The following MGAT5 variants were observed in gnomAD, a reference collection of about 807,000 sequenced individuals.
MGAT5 encodes the protein alpha-1,6-mannosylglycoprotein 6-beta-N-acetylglucosaminyltransferase, also known as alpha-1,6-mannosylglycoprotein 6-beta-N-acetylglucosaminyltransferase A.
A neutral mutation model predicts 94.3 loss-of-function variants in MGAT5; 30 were observed. The observed-to-expected ratio is 0.32, with a 90% CI of 0.24 to 0.43. The LOEUF is 0.43. Ranked by LOEUF, MGAT5 falls within the 20% of genes least tolerant of loss-of-function variation. The pLI, the probability that MGAT5 is intolerant of heterozygous loss-of-function variation, is 1.00. For missense variants in MGAT5, 691 were observed against 905.5 expected, an observed-to-expected ratio of 0.76 and a Z score of 3.04; for synonymous variants, 310 against 322.9, an observed-to-expected ratio of 0.96 and a Z score of 0.43.
In MGAT5 at chr2:134,240,357, G is replaced by GTTTTTTTTTTTTTTTTT. The variant is rs11316083; in HGVS notation, c.-142-13890_-142-13889insTTTTTTTTTTTTTTTTT. Among the ~76,000 whole-genome samples the GTTTTTTTTTTTTTTTTT allele has an allele frequency of 9.1e-4, 133 of 146,746 alleles. 1 individual carries two copies. The East Asian group carries it at 0.021, about 23-fold the overall frequency. On this transcript the variant is annotated intron_variant, in intron 1 of 16. Coordinates refer to the MGAT5 transcript ENST00000409645. ...TGAGCTTTCATTCTAAAATGAAAGT[G>GTTTTTTTTTTTTTTTTT]TTTTTTTTTTTTTTTACTATTTGTA...
chr2:134,231,246 C>G (rs1448189845), intron 1 of MGAT5: 1 of 152,118 alleles, frequency 6.6e-6, no homozygotes, highest in Admixed American at 6.5e-5. Context: ...ATATTGGAAG[C>G]TAAGCAGAGT....
chr2:134,354,159 G>T (rs549879473), intron 9 of MGAT5, among the ~76,000 whole-genome samples: 1 of 152,266 alleles, frequency 6.6e-6, no homozygotes, highest in African/African-American at 2.4e-5. Context: ...AAATACTAGT[G>T]CTTAATATAT....
At chr2:134,185,117 A>G (rs937477001) in intron 1 of MGAT5, among the ~76,000 whole-genome samples, 15 of 152,058 alleles carry the variant, frequency 9.9e-5, no homozygotes, top group African/African-American at 3.6e-4. Context: ...GAATGATATG[A>G]TGGACTTTGG....
At chr2:134,334,891 A>T (rs920945615) in intron 4 of MGAT5, among the ~76,000 whole-genome samples, 1 of 151,944 alleles carries the variant, frequency 6.6e-6, no homozygotes, top group Non-Finnish European at 1.5e-5. Context: ...CCTTGTGGGG[A>T]ATCCTTTTGA....
intron 2 of MGAT5, among the ~76,000 whole-genome samples, 171 bp from the exon 3 acceptor site, chr2:134,317,358 C>T (rs1687051453): frequency 6.6e-6 from 1 of 152,136 alleles, no homozygotes; most frequent in South Asian, 2.1e-4. Context: ...TCAGTCATCA[C>T]TCTGGACCAG....
chr2:134,146,788 G>A (rs1444076755), intron 1 of MGAT5, among the ~76,000 whole-genome samples: 4 of 152,138 alleles, frequency 2.6e-5, no homozygotes, highest in Admixed American at 6.5e-5. Flanking sequence ...CCGCTCTTCC[G>A]CAGCCATGTG....
chr2:134,201,331 G>T (rs907830359), intron 1 of MGAT5, among the ~76,000 whole-genome samples: 1 of 152,076 alleles, frequency 6.6e-6, no homozygotes, highest in Non-Finnish European at 1.5e-5. Context: ...TGAGCTGGTG[G>T]ACTGGAGTAT....
intron 2 of MGAT5, among the ~76,000 whole-genome samples, chr2:134,275,099 G>GTAGC (rs1346722493): frequency 6.6e-6 from 1 of 152,110 alleles, no homozygotes; most frequent in Non-Finnish European, 1.5e-5. Context: ...TTGTGTTGAA[G>GTAGC]TAGCACCTGA....
chr2:134,285,642 C>T (rs1684957952), intron 2 of MGAT5, among the ~76,000 whole-genome samples: 1 of 152,168 alleles, frequency 6.6e-6, no homozygotes, highest in Admixed American at 6.5e-5. Context: ...CTCCTTACCC[C>T]TGACTTTTGT....
At chr2:134,187,277 G>A (rs1384055384) in intron 1 of MGAT5, among the ~76,000 whole-genome samples, 1 of 152,180 alleles carries the variant, frequency 6.6e-6, no homozygotes. Flanking sequence ...CATTCCGCTT[G>A]CATGGAGAAT....
intron 2 of MGAT5, among the ~76,000 whole-genome samples, chr2:134,275,975 C>T (rs991681062): frequency 6.6e-6 from 1 of 152,066 alleles, no homozygotes; most frequent in Non-Finnish European, 1.5e-5. Context: ...AGTATCCAGC[C>T]CCAAATGTCA....
chr2:134,291,873 G>A (rs535264117), intron 2 of MGAT5, among the ~76,000 whole-genome samples: 1 of 152,314 alleles, frequency 6.6e-6, no homozygotes, highest in South Asian at 2.1e-4. Flanking sequence ...CTCAAGTGGC[G>A]TTAGGTATAG....
chr2:134,162,153 G>C (rs1026107175), intron 1 of MGAT5, among the ~76,000 whole-genome samples: 60 of 152,188 alleles, frequency 3.9e-4, no homozygotes, highest in African/African-American at 1.3e-3. Flanking sequence ...TCACGCCACT[G>C]CAGTGCAGCC....
At chr2:134,291,324 T>C (rs1052997829) in intron 2 of MGAT5, among the ~76,000 whole-genome samples, 4 of 152,176 alleles carry the variant, frequency 2.6e-5, no homozygotes, top group African/African-American at 9.7e-5. Flanking sequence ...TTTCTCTCTG[T>C]TCTTGTCTGT....
At chr2:134,137,139 G>T (rs1441348215) in intron 1 of MGAT5, among the ~76,000 whole-genome samples, 2 of 152,164 alleles carry the variant, frequency 1.3e-5, no homozygotes, top group Non-Finnish European at 2.9e-5. Context: ...TTAACCCCCT[G>T]TTTTCCTCTT....
chr2:134,195,319 A>T (rs186072218), intron 1 of MGAT5, among the ~76,000 whole-genome samples: 1 of 152,110 alleles, frequency 6.6e-6, no homozygotes, highest in Non-Finnish European at 1.5e-5. Context: ...CAGAAAAAAG[A>T]TTCAAGTGTG....
intron 1 of MGAT5, among the ~76,000 whole-genome samples, chr2:134,263,165 C>T (rs1006637874): frequency 3.3e-5 from 5 of 152,174 alleles, no homozygotes; most frequent in South Asian, 2.1e-4. Flanking sequence ...TAGGCTTGAC[C>T]TCTCAGCACT....
chr2:134,426,947 C>G (rs917016228), intron 13 of MGAT5, among the ~76,000 whole-genome samples: 13 of 152,122 alleles, frequency 8.5e-5, no homozygotes, highest in African/African-American at 3.1e-4. Flanking sequence ...TCTTTGAGCT[C>G]TATTCTGACA....
At chr2:134,247,156 G>C (rs2105472503) in intron 1 of MGAT5, among the ~76,000 whole-genome samples, 1 of 152,140 alleles carries the variant, frequency 6.6e-6, no homozygotes, top group East Asian at 1.9e-4. Context: ...AATGTAAATT[G>C]AGATGGAGGC....
Sources: gnomAD v4.1 joint callset for allele counts (sites outside exome capture counted in the v4.1 genomes callset) on GRCh38, gnomAD v4.1.1 for gene constraint, MANE v1.5 for transcripts, NCBI Gene and HGNC (gene_info 2026-07-23, HGNC 2026-07-21) for gene names.